ENPP1: variants seen among roughly 807,000 people sequenced by gnomAD.
ENPP1 encodes the protein ectonucleotide pyrophosphatase/phosphodiesterase family member 1.
A neutral mutation model predicts 122.8 loss-of-function variants in ENPP1; 73 were observed. The observed-to-expected ratio is 0.59, with a 90% confidence interval of 0.49 to 0.72. The LOEUF is 0.72. Among genes scored for constraint, ENPP1 ranks in the 30% least tolerant of loss-of-function variants. The pLI is 0.00. For missense variants in ENPP1, 978 were observed against 1,128.1 expected (o/e 0.87, Z 1.91); for synonymous variants, 367 against 391.6 (o/e 0.94, Z 0.74).
chr6:131,842,722 C>T (rs1010109818), intron 1 of ENPP1, among the ~76,000 whole-genome samples: 21 of 152,180 alleles, frequency 1.4e-4, no homozygotes, highest in Non-Finnish European at 2.9e-4. Flanking sequence ...CCCCGGCCAA[C>T]TTCCTTTGTT....
intron 2 of ENPP1, 26 bp downstream of exon 2, chr6:131,847,874 TG>T: frequency 6.9e-7 from 1 of 1,446,166 alleles, no homozygotes. Context: ...TGTGTGTGTG[TG>T]TGTGTGTGTG....
At chr6:131,885,691 T>C (rs1782368798) in intron 23 of ENPP1, among the ~76,000 whole-genome samples, 1 of 152,240 alleles carries the variant, frequency 6.6e-6, no homozygotes, top group Non-Finnish European at 1.5e-5. Flanking sequence ...GAGATTCCAC[T>C]GAGATTCAGC....
chr6:131,861,133 G>T (rs1404572237), intron 8 of ENPP1, among the ~76,000 whole-genome samples: 1 of 152,062 alleles, frequency 6.6e-6, no homozygotes, highest in Non-Finnish European at 1.5e-5. Flanking sequence ...AAATCATTCT[G>T]TTTCTGCCTC....
rs9398994 is a variant in ENPP1 at position 131,811,376 on chromosome 6, A to C, written c.240+3101A>C. Among the ~76,000 whole-genome samples, 125 of 131,280 alleles carry C rather than the reference A, an allele frequency of 9.5e-4. 1 individual carries two copies. The highest frequency in any genetic ancestry group is 7.5e-3 in the Middle Eastern group (2 of 268). The allele number at this position is 131,280 out of a possible 152,430, so 86.1% of individuals were successfully genotyped here. A position where few individuals can be genotyped will look rare whatever the true frequency, so the allele number is the denominator to read the frequency against. ...AAAACATATATCTATATCTATATCT[A>C]TATATCTATATCTATATCTATATCT... On this transcript the variant is annotated intron_variant, in intron 1 of 24. Transcript: ENST00000647893.
rs183793263 is a variant in ENPP1 at position 131,858,132 on chromosome 6, G to C, written c.716-536G>C. ...GCAGGAGAAAAAGAATGAGGCACCA[G>C]AACTAGATCAGCAGGGCATCAGGAA... On this transcript the variant is annotated intron_variant, in intron 6 of 24. Coordinates refer to ENST00000647893, the MANE Select transcript of ENPP1 (RefSeq NM_006208.3). Among the ~76,000 whole-genome samples the C allele has an allele frequency of 2.6e-5, 4 of 152,270 alleles. No individual in the cohort carries two copies. In the East Asian group the frequency reaches 7.7e-4, roughly 29 times the overall value.
intron 1 of ENPP1, among the ~76,000 whole-genome samples, chr6:131,820,999 T>G (rs918160782): frequency 6.6e-6 from 1 of 152,226 alleles, no homozygotes; most frequent in Non-Finnish European, 1.5e-5. Flanking sequence ...TAAGTGGTTT[T>G]TTCTTGTTAT....
intron 12 of ENPP1, among the ~76,000 whole-genome samples, chr6:131,868,988 C>G (rs1782123982): frequency 6.6e-6 from 1 of 152,036 alleles, no homozygotes; most frequent in South Asian, 2.1e-4. Flanking sequence ...AAAGAAGTAC[C>G]AGTCTTGGAA....
chr6:131,884,833 C>G (rs1393054051), intron 22 of ENPP1, 98 bp from the exon 23 acceptor site: 2 of 1,376,532 alleles, frequency 1.5e-6, no homozygotes, highest in African/African-American at 2.8e-5. Flanking sequence ...TCTTTATTTA[C>G]TATAAATGCT....
intron 21 of ENPP1, among the ~76,000 whole-genome samples, chr6:131,882,797 G>A (rs1782330180): frequency 6.6e-6 from 1 of 151,636 alleles, no homozygotes; most frequent in Non-Finnish European, 1.5e-5. Flanking sequence ...GGTAGTTGAT[G>A]TAGTGCAGAT....
At chr6:131,815,388 C>G (rs895783958) in intron 1 of ENPP1, among the ~76,000 whole-genome samples, 1 of 152,192 alleles carries the variant, frequency 6.6e-6, no homozygotes, top group Non-Finnish European at 1.5e-5. Context: ...CTTTCTGTCC[C>G]TTCTTTTCTT....
At chr6:131,813,125 G>A (rs1447306716) in intron 1 of ENPP1, among the ~76,000 whole-genome samples, 1 of 152,142 alleles carries the variant, frequency 6.6e-6, no homozygotes, top group Non-Finnish European at 1.5e-5. Flanking sequence ...ATAGGCGTGA[G>A]CCACTTTGCC....
chr6:131,825,084 C>G (rs1240940822), intron 1 of ENPP1, among the ~76,000 whole-genome samples: 1 of 151,832 alleles, frequency 6.6e-6, no homozygotes, highest in Non-Finnish European at 1.5e-5. Context: ...CAAACAAAAG[C>G]AATTGAAAGC....
chr6:131,808,318 T>C (rs950703641), intron 1 of ENPP1, 43 bp downstream of exon 1: 6 of 1,471,270 alleles, frequency 4.1e-6, no homozygotes, highest in Admixed American at 4.6e-5. Flanking sequence ...GGGCTGGGAG[T>C]ACGGGGAGGG....
chr6:131,827,462 G>A (rs1437218555), intron 1 of ENPP1: 2 of 650,656 alleles, frequency 3.1e-6, no homozygotes, highest in Non-Finnish European at 5.6e-6. Flanking sequence ...CATCCAAAAT[G>A]GTATAAAATG....
At chr6:131,881,188 A>T (rs1782300559) in intron 20 of ENPP1, among the ~76,000 whole-genome samples, 1 of 152,200 alleles carries the variant, frequency 6.6e-6, no homozygotes, top group African/African-American at 2.4e-5. Context: ...AAATAAAAAG[A>T]TAGGGATATG....
chr6:131,875,691 A>G (rs1782223164), intron 16 of ENPP1, 85 bp from the exon 17 acceptor site: 2 of 950,880 alleles, frequency 2.1e-6, no homozygotes, highest in African/African-American at 3.2e-5. Context: ...CAGTTTGTAT[A>G]TGTACAATGT....
intron 16 of ENPP1, 110 bp downstream of exon 16, chr6:131,874,447 G>A: frequency 1.5e-6 from 1 of 686,814 alleles, no homozygotes; most frequent in Non-Finnish European, 2.6e-6. Flanking sequence ...AGAATTAATG[G>A]AACATACTTT....
intron 13 of ENPP1, among the ~76,000 whole-genome samples, chr6:131,870,049 G>T (rs1782141807): frequency 6.6e-6 from 1 of 152,024 alleles, no homozygotes; most frequent in Non-Finnish European, 1.5e-5. Flanking sequence ...TATTTGATGA[G>T]CTTAGTGCAA....
chr6:131,872,784 A>G, intron 14 of ENPP1, 139 bp from the exon 15 acceptor site: 1 of 828,506 alleles, frequency 1.2e-6, no homozygotes, highest in Non-Finnish European at 1.9e-6. Context: ...GAAGTTAGAA[A>G]GCAATTTCAA....
Sources: gnomAD v4.1 joint callset for allele counts (sites outside exome capture counted in the v4.1 genomes callset) on GRCh38, gnomAD v4.1.1 for gene constraint, MANE v1.5 for transcripts, NCBI Gene and HGNC (gene_info 2026-07-23, HGNC 2026-07-21) for gene names.